TRIM2: variants seen among roughly 807,000 people sequenced by gnomAD.
TRIM2 encodes tripartite motif-containing protein 2.
In TRIM2, 20 loss-of-function variants were observed where a neutral mutation model predicts 75.2. The observed-to-expected ratio is 0.27, with a 90% CI of 0.19 to 0.39. TRIM2 has a LOEUF of 0.39. Ranked by LOEUF, TRIM2 falls within the 10% of genes least tolerant of loss-of-function variation. The pLI, the probability that TRIM2 is intolerant of heterozygous loss-of-function variation, is 1.00. For synonymous variants in TRIM2, 373 were observed against 388.3 expected, an observed-to-expected ratio of 0.96 and a Z score of 0.46; for missense variants, 660 against 990.8, an observed-to-expected ratio of 0.67 and a Z score of 4.48.
chr4:153,233,792 A>G (rs147630996), intron 1 of TRIM2, among the ~76,000 whole-genome samples: 200 of 152,274 alleles, frequency 1.3e-3, no homozygotes, highest in African/African-American at 4.7e-3. Context: ...ATATCTTTTT[A>G]TGGTTAATTC....
rs1284240424 is a variant in TRIM2 at position 153,338,728 on chromosome 4, A to G, written c.*3762A>G. 39 of 985,710 alleles carry G rather than the reference A, an allele frequency of 4.0e-5. No individual in the cohort carries two copies. The highest frequency in any genetic ancestry group is 1.2e-4 in the Admixed American group (2 of 16,266). 61.1% of individuals were successfully genotyped at this position (985,710 alleles called of 1,614,324 possible). A position where few individuals can be genotyped will look rare whatever the true frequency, so the allele number is the denominator to read the frequency against. ...TGATTGGTCTGTTTGTGGAGAATGT[A>G]TGAAAGCTATTAATATTCTAGAATA... is the stretch of plus-strand genomic sequence containing the variant. On this transcript the variant is annotated 3_prime_UTR_variant, in exon 12 of 12. Transcript: ENST00000338700.
chr4:153,179,924 A>G (rs1731875228), intron 1 of TRIM2, among the ~76,000 whole-genome samples: 1 of 152,116 alleles, frequency 6.6e-6, no homozygotes, highest in Non-Finnish European at 1.5e-5. Flanking sequence ...TAATGGTGAG[A>G]TTTTTATTGC....
intron 1 of TRIM2, among the ~76,000 whole-genome samples, chr4:153,178,546 C>G (rs1219156814): frequency 6.6e-6 from 1 of 152,076 alleles, no homozygotes; most frequent in South Asian, 2.1e-4. Flanking sequence ...GGTAAAAATG[C>G]CTGTTTTGTT....
chr4:153,307,594 A>G (rs1765295857), intron 6 of TRIM2, among the ~76,000 whole-genome samples: 1 of 152,174 alleles, frequency 6.6e-6, no homozygotes, highest in African/African-American at 2.4e-5. Flanking sequence ...GAGAGACTAG[A>G]CAGGAAAGCC....
chr4:153,301,738 G>A (rs1414092064), intron 6 of TRIM2, among the ~76,000 whole-genome samples: 1 of 152,184 alleles, frequency 6.6e-6, no homozygotes, highest in African/African-American at 2.4e-5. Context: ...ACCATTTATT[G>A]AAGAGACTGA....
At chr4:153,286,746 C>T (rs944187527) in intron 3 of TRIM2, among the ~76,000 whole-genome samples, 22 of 151,748 alleles carry the variant, frequency 1.4e-4, no homozygotes, top group African/African-American at 5.1e-4. Flanking sequence ...CTGCCACACA[C>T]ACACACCCAC....
At chr4:153,214,494 C>A (rs938723281) in intron 1 of TRIM2, among the ~76,000 whole-genome samples, 2 of 152,136 alleles carry the variant, frequency 1.3e-5, no homozygotes, top group African/African-American at 4.8e-5. Flanking sequence ...AATCTTGGAA[C>A]AAAAGAAACA....
upstream of TRIM2, among the ~76,000 whole-genome samples, chr4:153,202,458 AG>A (rs1194624878): frequency 2.6e-5 from 4 of 152,230 alleles, no homozygotes; most frequent in Non-Finnish European, 5.9e-5. Flanking sequence ...GCACTTTGGG[AG>A]GCCAAGGCGG....
At chr4:153,257,347 A>G (rs1216657229) in intron 1 of TRIM2, 26 of 1,028,130 alleles carry the variant, frequency 2.5e-5, no homozygotes, top group Non-Finnish European at 2.9e-5. Flanking sequence ...CTGCATCCCT[A>G]TCCCATAATC....
intron 1 of TRIM2, chr4:153,265,669 T>C (rs537695998): frequency 6.6e-6 from 1 of 152,314 alleles, no homozygotes; most frequent in South Asian, 2.1e-4. Flanking sequence ...AAAGAAAATA[T>C]GGAACACTTC....
At chr4:153,305,154 A>G (rs1348403724) in intron 6 of TRIM2, among the ~76,000 whole-genome samples, 1 of 152,242 alleles carries the variant, frequency 6.6e-6, no homozygotes, top group African/African-American at 2.4e-5. Flanking sequence ...GCAGTAGAGT[A>G]GATAGTTAAG....
At chr4:153,188,267 C>T (rs934580684) in intron 1 of TRIM2, among the ~76,000 whole-genome samples, 21 of 152,174 alleles carry the variant, frequency 1.4e-4, no homozygotes, top group Non-Finnish European at 4.4e-5. Flanking sequence ...TGAGACCAGC[C>T]TGGGCAACAT....
rs1447409881 is a variant in TRIM2, at chr4:153,295,117, G to C, written c.787-196G>C. Reference sequence around the variant, plus strand: ...GTGGAAGAGAGGGCGAGGCGGAAGGGAAACCTCGAAAAGGTACTGGGAATG... The same window carrying C: ...GTGGAAGAGAGGGCGAGGCGGAAGGCAAACCTCGAAAAGGTACTGGGAATG... On this transcript the variant is annotated intron_variant, in intron 5 of 11. Transcript: ENST00000338700. The surrounding 1 kb of genome is among the most constrained non-coding windows in gnomAD (Gnocchi z 7.2). 6.6e-6 allele frequency among the ~76,000 whole-genome samples: 1 copy of C among 152,244 alleles called. No homozygotes were observed. The highest frequency in any genetic ancestry group is 1.5e-5 in the Non-Finnish European group (1 of 68,042).
intron 3 of TRIM2, among the ~76,000 whole-genome samples, chr4:153,284,934 TTTTAA>T (rs1213182636): frequency 6.6e-6 from 1 of 152,220 alleles, no homozygotes; most frequent in Non-Finnish European, 1.5e-5. Context: ...TCAAAAATAC[TTTTAA>T]TTTAATGAAG....
At chr4:153,275,619 G>A (rs967600408) in intron 2 of TRIM2, among the ~76,000 whole-genome samples, 3 of 152,182 alleles carry the variant, frequency 2.0e-5, no homozygotes, top group South Asian at 4.1e-4. Context: ...GGAGGCTGAC[G>A]CTGCTCATCC....
intron 1 of TRIM2, among the ~76,000 whole-genome samples, chr4:153,165,306 T>A (rs1461398817): frequency 3.3e-5 from 5 of 152,164 alleles, no homozygotes; most frequent in Admixed American, 3.3e-4. Context: ...GAAGGTAATT[T>A]TTGAGCCCCT....
chr4:153,266,367 G>A (rs1456298143), intron 1 of TRIM2, among the ~76,000 whole-genome samples: 2 of 132,674 alleles, frequency 1.5e-5, no homozygotes, highest in African/African-American at 6.0e-5. Flanking sequence ...TTTTTGAGAC[G>A]GAGTCTGACT....
intron 6 of TRIM2, among the ~76,000 whole-genome samples, chr4:153,313,900 G>T (rs990561182): frequency 3.9e-5 from 6 of 152,056 alleles, no homozygotes; most frequent in African/African-American, 1.4e-4. Context: ...GCCTCACAAA[G>T]TGCTGGGATT....
chr4:153,302,834 T>C (rs752132332), intron 6 of TRIM2, among the ~76,000 whole-genome samples: 17 of 152,362 alleles, frequency 1.1e-4, no homozygotes, highest in Middle Eastern at 3.4e-3. Flanking sequence ...TTACCCAAGA[T>C]GGTAAATTCC....
Sources: allele counts gnomAD v4.1 joint callset (sites outside exome capture counted in the v4.1 genomes callset), GRCh38; gene constraint gnomAD v4.1.1; non-coding constraint Gnocchi (gnomAD v3.1); transcripts MANE v1.5; gene names NCBI Gene and HGNC (gene_info 2026-07-23, HGNC 2026-07-21).